Variants in PLEKHM1 observed in about 807,000 individuals in gnomAD.
PLEKHM1 encodes the protein pleckstrin homology and RUN domain containing M1, also known as pleckstrin homology domain-containing family M member 1.
Under a neutral mutation model 94.3 loss-of-function variants are expected in PLEKHM1, and 28 were observed. That is an observed-to-expected ratio of 0.30 (90% CI 0.22 to 0.41). The LOEUF (loss-of-function observed/expected upper bound fraction) is 0.41. Among genes scored for constraint, PLEKHM1 ranks in the 10% least tolerant of loss-of-function variants. PLEKHM1 has a pLI of 1.00. For synonymous variants in PLEKHM1, 424 were observed against 581.2 expected, an observed-to-expected ratio of 0.73 and a Z score of 3.89; for missense variants, 907 against 1,358.6, an observed-to-expected ratio of 0.67 and a Z score of 5.22.
chr17:45,484,274 T>C (rs558764024), intron 1 of PLEKHM1, among the ~76,000 whole-genome samples: 1 of 152,334 alleles, frequency 6.6e-6, no homozygotes, highest in Admixed American at 6.5e-5. Context: ...CCCTTCCCTT[T>C]CTAGGCCTTT....
At chr17:45,435,820 G>A (rs2050238961), downstream of PLEKHM1, 1 of 394,186 alleles carries the variant, frequency 2.5e-6, no homozygotes, top group East Asian at 7.2e-5. Context: ...ATGAGGGTAG[G>A]GGACCCTGAC....
At chr17:45,465,564 G>A (rs936313443) in intron 5 of PLEKHM1, among the ~76,000 whole-genome samples, 3 of 152,014 alleles carry the variant, frequency 2.0e-5, no homozygotes, top group Admixed American at 1.3e-4. Context: ...ACAAAAATTA[G>A]CTGGGCATGG....
chr17:45,466,237 C>T (rs543946577), intron 5 of PLEKHM1, among the ~76,000 whole-genome samples: 3 of 152,292 alleles, frequency 2.0e-5, no homozygotes, highest in Admixed American at 6.5e-5. Context: ...TAACACCACA[C>T]ACAAAAATTA....
At position 45,453,399 on chromosome 17, in the gene PLEKHM1, A is replaced by G. The variant is rs747512268; in HGVS notation, c.2453T>C (p.Ile818Thr). 11 of 1,613,862 alleles carry G rather than the reference A, an allele frequency of 6.8e-6. No individual in the cohort carries two copies. The highest frequency in any genetic ancestry group is 9.3e-6 in the Non-Finnish European group (11 of 1,179,820). The change falls in exon 7 of 12, where the codon ATC becomes ACC. Residue 818 changes from isoleucine to threonine, a missense_variant. By Grantham distance (89) the Ile-to-Thr change is moderately conservative (BLOSUM62 -1). This residue lies in a region of PLEKHM1 where 254 missense variants were observed against 451.1 expected (regional missense o/e 0.56). Coordinates refer to ENST00000430334, the MANE Select transcript of PLEKHM1 (RefSeq NM_014798.3). The surrounding 1 kb of genome is among the most constrained non-coding windows in gnomAD (Gnocchi z 4.1). The stretch of plus-strand genomic sequence containing the variant: ...GGAGTCAAGGCCTTTCTCCATGGGG[A>G]TAGCCACCAGGTACTGCAGCAGGAA... Reference protein sequence around the residue: ...NGFLLQYLVAIPMEKGLDSQG... With the variant: ...NGFLLQYLVATPMEKGLDSQG...
intron 4 of PLEKHM1, among the ~76,000 whole-genome samples, chr17:45,473,844 C>A (rs1597985674): frequency 6.6e-6 from 1 of 152,040 alleles, no homozygotes; most frequent in Non-Finnish European, 1.5e-5. Flanking sequence ...AGGCGTGAGC[C>A]ACTGCGCCCA....
intron 8 of PLEKHM1, among the ~76,000 whole-genome samples, chr17:45,447,736 T>A (rs1248983271): frequency 2.0e-5 from 3 of 152,124 alleles, no homozygotes; most frequent in Admixed American, 6.5e-5. Context: ...CAGCAATCTT[T>A]GAGAGGGAGA....
At chr17:45,479,149 G>T (rs933996508) in intron 2 of PLEKHM1, among the ~76,000 whole-genome samples, 14 of 151,986 alleles carry the variant, frequency 9.2e-5, no homozygotes, top group Non-Finnish European at 1.5e-4. Flanking sequence ...CAAGGCAGGC[G>T]GATCACTTGA....
Position 45,453,330 on chromosome 17 carries a change from G to C in PLEKHM1, c.2497+25C>G, listed in dbSNP as rs765508809. On this transcript the variant is annotated intron_variant, in intron 7 of 11. Coordinates refer to ENST00000430334, the MANE Select transcript of PLEKHM1 (RefSeq NM_014798.3). The surrounding 1 kb of genome is among the most constrained non-coding windows in gnomAD (Gnocchi z 4.1). ...AGGTGGAGTGAGGCTGGCAGGCTGG[G>C]GGTGGCAGCAGAGCAAATCGGCACC... 1 of 1,606,686 alleles carries C rather than the reference G, an allele frequency of 6.2e-7. No individual in the cohort carries two copies. The highest frequency in any genetic ancestry group is 2.3e-5 in the East Asian group (1 of 44,266).
At position 45,437,661 on chromosome 17, in the gene PLEKHM1, G is replaced by C. The variant is rs529881326; in HGVS notation, c.*197C>G. ...GCCACGCCTCCTGCAGCAGAGGGGT[G>C]GGGGGAGGGCCAGGGGACACCACGG... On this transcript the variant is annotated 3_prime_UTR_variant, in exon 12 of 12. Coordinates refer to ENST00000430334, the MANE Select transcript of PLEKHM1 (RefSeq NM_014798.3). This position sits in a 1 kb window ranked among gnomAD's most constrained non-coding sequence, Gnocchi z 4.0. The C allele has an allele frequency of 4.8e-5, 33 of 682,394 alleles. No individual in the cohort carries two copies. Among genetic ancestry groups the C allele is most frequent in the East Asian group, 2.2e-4 (8 of 35,842 alleles). The allele number at this position is 682,394 out of a possible 1,614,324, so 42.3% of individuals were successfully genotyped here. A position where few individuals can be genotyped will look rare whatever the true frequency, so the allele number is the denominator to read the frequency against.
downstream of PLEKHM1, among the ~76,000 whole-genome samples, chr17:45,435,357 C>A (rs936717040): frequency 2.0e-5 from 3 of 152,166 alleles, no homozygotes; most frequent in Non-Finnish European, 4.4e-5. Flanking sequence ...TGTGGGCCTC[C>A]CCTTGGAGGG....
chr17:45,478,100 C>T lies in PLEKHM1; in HGVS notation c.96G>A (p.Gln32=), dbSNP rs1217135972. ...LVGSVKALQK[Q]YVSLDTVVTS... is the part of the protein sequence containing the mutation. ...TGACCACCGTGTCCAGGGACACGTA[C>T]TGCTTCTGCAAGGCCTTCACGGATC... The change falls in exon 3 of 12, where the codon CAG becomes CAA. Residue 32 remains glutamine (Q), a synonymous_variant. Transcript: ENST00000430334. 4 of 1,614,190 alleles carry T rather than the reference C, an allele frequency of 2.5e-6. No individual in the cohort carries two copies. The East Asian group carries it at 8.9e-5, about 36-fold the overall frequency.
At position 45,450,506 on chromosome 17, in the gene PLEKHM1, G is replaced by C. The variant is rs371650756; in HGVS notation, c.2643+112C>G. Reference sequence around the variant, plus strand: ...CACAGTGCCTGAACCAGTGACCCTGGCTTCCCTTGTTTAGAGGAGCCAAAC... The same window carrying C: ...CACAGTGCCTGAACCAGTGACCCTGCCTTCCCTTGTTTAGAGGAGCCAAAC... On this transcript the variant is annotated intron_variant, in intron 8 of 11. Transcript: ENST00000430334. 97 of 1,520,804 alleles carry C rather than the reference G, an allele frequency of 6.4e-5. 2 individuals are homozygous for C. The East Asian group carries it at 2.3e-3, about 35-fold the overall frequency. The allele number at this position is 1,520,804 out of a possible 1,614,324, so 94.2% of individuals were successfully genotyped here. A position where few individuals can be genotyped will look rare whatever the true frequency, so the allele number is the denominator to read the frequency against.
At chr17:45,470,971 G>A (rs1041576633) in intron 4 of PLEKHM1, among the ~76,000 whole-genome samples, 3 of 151,904 alleles carry the variant, frequency 2.0e-5, no homozygotes, top group African/African-American at 4.8e-5. Context: ...TGGCCAAAAC[G>A]TTTGTGTTTT....
chr17:45,487,096 G>T (rs1211816938), intron 1 of PLEKHM1, among the ~76,000 whole-genome samples: 1 of 152,186 alleles, frequency 6.6e-6, no homozygotes, highest in East Asian at 1.9e-4. Flanking sequence ...AAGGGCTCTT[G>T]AACATGACGG....
Position 45,437,799 on chromosome 17 carries a change from GC to G in PLEKHM1, c.*58del. 1 of 1,358,350 alleles carries G rather than the reference GC, an allele frequency of 7.4e-7. No individual in the cohort carries two copies. The highest frequency in any genetic ancestry group is 1.1e-6 in the Non-Finnish European group (1 of 947,232). 84.1% of individuals were successfully genotyped at this position (1,358,350 alleles called of 1,614,324 possible). On this transcript the variant is annotated 3_prime_UTR_variant, in exon 12 of 12. Transcript: ENST00000430334. This position sits in a 1 kb window ranked among gnomAD's most constrained non-coding sequence, Gnocchi z 4.0. ...GTATCCTGGGCTGATGGCAAACCCA[GC>G]CGGGATGGCTGAGCCACACTCACCC...
Position 45,454,066 on chromosome 17 carries a change from G to A in PLEKHM1, c.1786C>T (p.Leu596=), listed in dbSNP as rs781495753. The A allele has an allele frequency of 6.2e-7, 1 of 1,614,216 alleles. No individual in the cohort carries two copies. Among genetic ancestry groups the A allele is most frequent in the Non-Finnish European group, 8.5e-7 (1 of 1,180,042 alleles). ...GPAHSDGRFE[L]VFSGKKLALR... ...GCCAGCTTCTTGCCAGAGAAGACCA[G>A]CTCAAAGCGCCCATCACTATGGGCT... The change falls in exon 7 of 12, where the codon CTG becomes TTG. Residue 596 remains leucine, a synonymous_variant. Coordinates refer to ENST00000430334, the MANE Select transcript of PLEKHM1 (RefSeq NM_014798.3).
chr17:45,480,791 G>C (rs565451073), intron 2 of PLEKHM1, among the ~76,000 whole-genome samples: 1 of 152,250 alleles, frequency 6.6e-6, no homozygotes, highest in East Asian at 1.9e-4. Flanking sequence ...CCGCTGCCTA[G>C]ATATACCACA....
chr17:45,463,249 C>A (rs2051210325), intron 5 of PLEKHM1, among the ~76,000 whole-genome samples: 1 of 152,088 alleles, frequency 6.6e-6, no homozygotes, highest in Non-Finnish European at 1.5e-5. Flanking sequence ...AGGGAAAAAA[C>A]AGTGGAAATG....
chr17:45,462,653 A>G (rs1419750808), intron 5 of PLEKHM1, among the ~76,000 whole-genome samples: 1 of 152,166 alleles, frequency 6.6e-6, no homozygotes, highest in Non-Finnish European at 1.5e-5. Context: ...GGTTTTCTTG[A>G]TATCTCCAGC....
Sources: allele counts gnomAD v4.1 joint callset (sites outside exome capture counted in the v4.1 genomes callset), GRCh38; gene constraint gnomAD v4.1.1; regional missense constraint gnomAD v4.1.1; non-coding constraint Gnocchi (gnomAD v3.1); transcripts MANE v1.5; gene names NCBI Gene and HGNC (gene_info 2026-07-23, HGNC 2026-07-21).